TRAPPC13: variants seen among roughly 807,000 people sequenced by gnomAD.
The protein encoded by TRAPPC13 is REV7-interacting novel NHEJ regulator 1.
TRAPPC13 carries 39 observed loss-of-function variants against 54.0 expected under a neutral mutation model. The ratio of observed to expected loss-of-function variants is 0.72; its 90% CI spans 0.56 to 0.94. TRAPPC13 has a LOEUF of 0.94. Ranked by LOEUF, TRAPPC13 falls within the 40% of genes least tolerant of loss-of-function variation. The pLI, the probability that TRAPPC13 is intolerant of heterozygous loss-of-function variation, is 0.00. For synonymous variants in TRAPPC13, 148 were observed against 167.7 expected, an observed-to-expected ratio of 0.88 and a Z score of 0.91; for missense variants, 386 against 488.1, an observed-to-expected ratio of 0.79 and a Z score of 1.97.
chr5:65,646,815 A>T (rs1219485961), intron 4 of TRAPPC13, among the ~76,000 whole-genome samples: 1 of 151,984 alleles, frequency 6.6e-6, no homozygotes, highest in Non-Finnish European at 1.5e-5. Context: ...TCCATTTTGA[A>T]TTCTCCCTAA....
At chr5:65,656,024 C>T (rs1002689080) in intron 8 of TRAPPC13, among the ~76,000 whole-genome samples, 1 of 151,978 alleles carries the variant, frequency 6.6e-6, no homozygotes, top group Non-Finnish European at 1.5e-5. Flanking sequence ...ACTGTATAAT[C>T]GAAATTCATT....
chr5:65,630,352 G>T, intron 1 of TRAPPC13: 1 of 1,473,266 alleles, frequency 6.8e-7, no homozygotes, highest in South Asian at 1.3e-5. Context: ...GAATTCCACT[G>T]ATTGTCAAAA....
chr5:65,631,166 T>G (rs982810554), intron 1 of TRAPPC13, among the ~76,000 whole-genome samples: 4 of 151,840 alleles, frequency 2.6e-5, no homozygotes, highest in Non-Finnish European at 5.9e-5. Context: ...TCACACAGCT[T>G]ACATGTCATT....
chr5:65,641,447 G>A (rs1351976597), intron 4 of TRAPPC13, among the ~76,000 whole-genome samples: 1 of 152,122 alleles, frequency 6.6e-6, no homozygotes, highest in East Asian at 1.9e-4. Flanking sequence ...GCTCATGGCT[G>A]TAATCCAGCA....
At position 65,650,800 on chromosome 5, in the gene TRAPPC13, T is replaced by C. The variant is rs1756401075; in HGVS notation, c.429-10T>C. The stretch of plus-strand genomic sequence containing the variant: ...TGACTCAGAATCGTTAAGACATCTT[T>C]CTGTTTCAGCTTGGTATGTGCTGTG... On this transcript the variant is annotated splice_polypyrimidine_tract_variant and intron_variant, in intron 5 of 12. Coordinates refer to ENST00000399438, the MANE Select transcript of TRAPPC13 (RefSeq NM_024941.4). 1 of 1,610,140 alleles carries C rather than the reference T, an allele frequency of 6.2e-7. No individual in the cohort carries two copies. The highest frequency in any genetic ancestry group is 8.5e-7 in the Non-Finnish European group (1 of 1,177,834).
intron 9 of TRAPPC13, among the ~76,000 whole-genome samples, chr5:65,659,068 T>C (rs42961): frequency 0.66 from 99,782 of 152,024 alleles, 33,254 homozygotes; most frequent in African/African-American, 0.75. Context: ...TGAAATGATA[T>C]TGACACTGAT....
At chr5:65,641,342 G>T (rs1168888062) in intron 4 of TRAPPC13, among the ~76,000 whole-genome samples, 1 of 152,084 alleles carries the variant, frequency 6.6e-6, no homozygotes, top group East Asian at 1.9e-4. Flanking sequence ...CAGGTTTTAG[G>T]TGTCAGTATT....
chr5:65,650,206 G>C (rs373602587), intron 5 of TRAPPC13, among the ~76,000 whole-genome samples: 20 of 132,020 alleles, frequency 1.5e-4, no homozygotes, highest in African/African-American at 5.9e-4. Flanking sequence ...TTGTTGCTCA[G>C]GCTGGAGTGC....
intron 1 of TRAPPC13, among the ~76,000 whole-genome samples, chr5:65,628,621 G>A (rs1195051603): frequency 2.0e-5 from 3 of 151,712 alleles, no homozygotes; most frequent in Non-Finnish European, 4.4e-5. Context: ...ACAGGCACAC[G>A]CCACCACAGC....
chr5:65,653,886 C>T (rs1300818735), intron 7 of TRAPPC13, among the ~76,000 whole-genome samples: 6 of 152,060 alleles, frequency 3.9e-5, no homozygotes, highest in Non-Finnish European at 1.5e-5. Flanking sequence ...TAATACCACA[C>T]TGTTGATTAA....
chr5:65,647,879 T>C (rs1163895602), intron 5 of TRAPPC13, among the ~76,000 whole-genome samples: 1 of 152,298 alleles, frequency 6.6e-6, no homozygotes, highest in East Asian at 1.9e-4. Context: ...TATTAGCTGT[T>C]ATCTAATCAG....
chr5:65,660,632 A>G, intron 9 of TRAPPC13, 67 bp from the exon 10 acceptor site: 1 of 1,335,690 alleles, frequency 7.5e-7, no homozygotes, highest in Non-Finnish European at 1.0e-6. Flanking sequence ...AGGAACAATC[A>G]CAGCCATGGT....
chr5:65,636,845 A>G (rs1016712823), intron 3 of TRAPPC13, among the ~76,000 whole-genome samples: 11 of 152,230 alleles, frequency 7.2e-5, no homozygotes, highest in Admixed American at 2.0e-4. Flanking sequence ...GAAATTTTAC[A>G]GATTGTTTTT....
chr5:65,646,516 C>T (rs75321988), intron 4 of TRAPPC13, among the ~76,000 whole-genome samples: 1 of 151,954 alleles, frequency 6.6e-6, no homozygotes, highest in African/African-American at 2.4e-5. Context: ...AGCTTCCCCC[C>T]TTCCTTATTT....
intron 4 of TRAPPC13, among the ~76,000 whole-genome samples, chr5:65,641,238 A>G (rs1488827355): frequency 6.6e-6 from 1 of 152,176 alleles, no homozygotes; most frequent in Non-Finnish European, 1.5e-5. Context: ...CTGGCCAGAT[A>G]AGCCAATTGT....
intron 7 of TRAPPC13, among the ~76,000 whole-genome samples, chr5:65,654,417 ATAT>A (rs1756576635): frequency 1.3e-5 from 2 of 152,202 alleles, no homozygotes; most frequent in African/African-American, 4.8e-5. Flanking sequence ...AATTTCAGTA[ATAT>A]TCTGAACTTT....
intron 6 of TRAPPC13, among the ~76,000 whole-genome samples, chr5:65,651,986 C>T (rs1458133362): frequency 6.6e-6 from 1 of 150,882 alleles, no homozygotes; most frequent in Non-Finnish European, 1.5e-5. Flanking sequence ...GCCTCAGCCT[C>T]CCGAGTAGCT....
At position 65,650,838 on chromosome 5, in the gene TRAPPC13, C is replaced by T. The variant is rs776030218; in HGVS notation, c.457C>T (p.Gln153Ter). The change falls in exon 6 of 13, where the codon CAG becomes TAG. Residue 153 changes from glutamine to a stop codon, truncating the protein, a stop_gained. Transcript: ENST00000399438. LOFTEE classifies it high-confidence loss of function. ...GGTATGTGCTGTGAGTTATACAACT[C>T]AGGCTGGAGAAAAAATGTATTTCAG... ...ILVCAVSYTT[Q>*]AGEKMYFRKF... 2 of 1,613,252 alleles carry T rather than the reference C, an allele frequency of 1.2e-6. No individual in the cohort carries two copies. The highest frequency in any genetic ancestry group is 1.7e-6 in the Non-Finnish European group (2 of 1,179,682).
chr5:65,636,191 T>G (rs947978867), intron 3 of TRAPPC13, 148 bp downstream of exon 3: 1 of 574,194 alleles, frequency 1.7e-6, no homozygotes, highest in Non-Finnish European at 3.0e-6. Context: ...TTGCCCAGGC[T>G]GGAGTACAGT....
Sources: allele counts gnomAD v4.1 joint callset (sites outside exome capture counted in the v4.1 genomes callset), GRCh38; gene constraint gnomAD v4.1.1; transcripts MANE v1.5; gene names NCBI Gene and HGNC (gene_info 2026-07-23, HGNC 2026-07-21).